Variants in IQGAP2 observed in about 807,000 individuals in gnomAD.
IQGAP2 encodes the protein ras GTPase-activating-like protein IQGAP2.
IQGAP2 carries 173 observed loss-of-function variants against 201.3 expected under a neutral mutation model. The observed-to-expected ratio is 0.86, with a 90% CI of 0.76 to 0.98. The LOEUF (loss-of-function observed/expected upper bound fraction) is 0.98. Ranked by LOEUF, IQGAP2 falls within the 50% of genes least tolerant of loss-of-function variation. IQGAP2 has a pLI of 0.00. For synonymous variants in IQGAP2, 675 were observed against 673.9 expected, an observed-to-expected ratio of 1.00 and a Z score of -0.03; for missense variants, 1,687 against 1,864.8, an observed-to-expected ratio of 0.90 and a Z score of 1.76.
At chr5:76,508,920 T>C (rs1757775809) in intron 2 of IQGAP2, among the ~76,000 whole-genome samples, 1 of 151,990 alleles carries the variant, frequency 6.6e-6, no homozygotes, top group Non-Finnish European at 1.5e-5. Flanking sequence ...ACATGTACCC[T>C]CTGTTTTAAG....
At chr5:76,700,671 A>T (rs1446235587) in intron 33 of IQGAP2, among the ~76,000 whole-genome samples, 1 of 152,246 alleles carries the variant, frequency 6.6e-6, no homozygotes, top group Non-Finnish European at 1.5e-5. Flanking sequence ...CACTTAGAAC[A>T]ATGCTAGCCA....
intron 2 of IQGAP2, among the ~76,000 whole-genome samples, chr5:76,535,581 G>A (rs956498136): frequency 6.6e-6 from 1 of 152,184 alleles, no homozygotes; most frequent in Non-Finnish European, 1.5e-5. Context: ...TATGCGGCAC[G>A]CCCTGGGTCT....
At chr5:76,543,049 T>G (rs1387524701) in intron 2 of IQGAP2, among the ~76,000 whole-genome samples, 5 of 152,140 alleles carry the variant, frequency 3.3e-5, no homozygotes, top group Non-Finnish European at 7.4e-5. Context: ...ATTGTGAAGA[T>G]GATAATTGGC....
chr5:76,650,548 C>G (rs918837337), intron 17 of IQGAP2, among the ~76,000 whole-genome samples: 4 of 152,128 alleles, frequency 2.6e-5, no homozygotes, highest in African/African-American at 7.2e-5. Context: ...TTCATATTAG[C>G]AATATATCTT....
intron 2 of IQGAP2, chr5:76,510,694 G>A (rs1757908666): frequency 1.9e-6 from 1 of 535,474 alleles, no homozygotes; most frequent in Non-Finnish European, 3.8e-6. Context: ...GCTGCAGCCA[G>A]ACTGCCAAGC....
rs1743979777 is a variant in IQGAP2 at position 76,556,767 on chromosome 5, A to C, written c.147-5629A>C. The stretch of plus-strand genomic sequence containing the variant: ...GAATAGTCTTGTTTGTTGCTCCTAG[A>C]CTGGCTGATGATTGATAGGAGTTTC... On this transcript the variant is annotated intron_variant, in intron 2 of 35. Transcript: ENST00000274364. Among the ~76,000 whole-genome samples, 3 of 152,160 alleles carry C rather than the reference A, an allele frequency of 2.0e-5. No homozygotes were observed. The South Asian group carries it at 6.2e-4, about 32-fold the overall frequency.
chr5:76,596,886 G>A (rs1457156120), intron 9 of IQGAP2, among the ~76,000 whole-genome samples: 1 of 152,220 alleles, frequency 6.6e-6, no homozygotes, highest in Non-Finnish European at 1.5e-5. Flanking sequence ...TGTCTCAGAT[G>A]TTGCAGCAAT....
At chr5:76,699,608 TC>T (rs1747091699) in intron 33 of IQGAP2, 2 of 9,782 alleles carry the variant, frequency 2.0e-4, no homozygotes, top group African/African-American at 7.1e-4. Flanking sequence ...TCTCTGTTTC[TC>T]TCTCTCTCTC....
intron 1 of IQGAP2, among the ~76,000 whole-genome samples, chr5:76,416,791 C>G (rs10942770): frequency 0.74 from 112,737 of 151,888 alleles, 43,466 homozygotes; most frequent in East Asian, 0.99. Flanking sequence ...TTCCCAAAGT[C>G]CTGGGATTAC....
chr5:76,508,705 T>G (rs77456191), intron 2 of IQGAP2, among the ~76,000 whole-genome samples: 36,610 of 151,558 alleles, frequency 0.24, 4,836 homozygotes, highest in Admixed American at 0.3. Flanking sequence ...GTTTTGTTTT[T>G]TTTTTTTTAA....
At chr5:76,495,520 A>AC in intron 2 of IQGAP2, among the ~76,000 whole-genome samples, 1 of 152,246 alleles carries the variant, frequency 6.6e-6, no homozygotes, top group East Asian at 1.9e-4. Flanking sequence ...AATGAGTATA[A>AC]CCATCATCCC....
At chr5:76,583,039 G>A (rs139923023) in intron 5 of IQGAP2, among the ~76,000 whole-genome samples, 1 of 152,276 alleles carries the variant, frequency 6.6e-6, no homozygotes, top group African/African-American at 2.4e-5. Context: ...GACATGAGAA[G>A]CAAAGGTGAC....
At chr5:76,572,903 A>G (rs1419780662) in intron 4 of IQGAP2, among the ~76,000 whole-genome samples, 17 of 152,354 alleles carry the variant, frequency 1.1e-4, no homozygotes, top group Non-Finnish European at 2.9e-5. Context: ...GCCCATTTTT[A>G]ATATAATTGT....
intron 2 of IQGAP2, among the ~76,000 whole-genome samples, chr5:76,475,572 C>T (rs1755368336): frequency 1.3e-5 from 2 of 152,182 alleles, no homozygotes; most frequent in Admixed American, 6.5e-5. Context: ...CTTCCCCTCC[C>T]TGTAAGACCG....
At chr5:76,416,897 C>T (rs962342441) in intron 1 of IQGAP2, among the ~76,000 whole-genome samples, 2 of 152,114 alleles carry the variant, frequency 1.3e-5, no homozygotes, top group South Asian at 2.1e-4. Context: ...GACATCATCA[C>T]AGCTCACTGC....
chr5:76,627,361 T>G (rs770446587), intron 13 of IQGAP2, 49 bp from the exon 14 acceptor site: 1 of 1,180,602 alleles, frequency 8.5e-7, no homozygotes, highest in South Asian at 1.2e-5. Context: ...TAATTCTGTT[T>G]CCTCATCATT....
At chr5:76,704,858 G>A (rs1165213806) in intron 35 of IQGAP2, among the ~76,000 whole-genome samples, 1 of 152,160 alleles carries the variant, frequency 6.6e-6, no homozygotes, top group African/African-American at 2.4e-5. Flanking sequence ...CTTACTGTGA[G>A]TAAAGGACCA....
intron 17 of IQGAP2, among the ~76,000 whole-genome samples, chr5:76,643,312 G>A (rs1751741483): frequency 1.3e-5 from 2 of 152,206 alleles, no homozygotes; most frequent in South Asian, 4.1e-4. Flanking sequence ...ATGCAAATTA[G>A]ACACTGAACA....
chr5:76,659,891 G>A (rs1743103510), intron 21 of IQGAP2: 1 of 151,678 alleles, frequency 6.6e-6, no homozygotes, highest in African/African-American at 2.4e-5. Flanking sequence ...AAATTACGGT[G>A]TGGTTTCACA....
Sources: allele counts gnomAD v4.1 joint callset (sites outside exome capture counted in the v4.1 genomes callset), GRCh38; gene constraint gnomAD v4.1.1; transcripts MANE v1.5; gene names NCBI Gene and HGNC (gene_info 2026-07-23, HGNC 2026-07-21).